CFH: variants seen among roughly 807,000 people sequenced by gnomAD.
CFH encodes H factor 1 (complement).
A neutral mutation model predicts 147.3 loss-of-function variants in CFH; 53 were observed. The observed-to-expected ratio is 0.36, with a 90% CI of 0.29 to 0.45. The LOEUF (loss-of-function observed/expected upper bound fraction) is 0.45, where lower values mean the gene tolerates loss of function less well. CFH is among the 20% of genes least tolerant of loss of function. The pLI is 1.00. For missense variants in CFH, 1,380 were observed against 1,498.0 expected (o/e 0.92, Z 1.30); for synonymous variants, 536 against 489.4 (o/e 1.10, Z -1.26).
At position 196,720,775 on chromosome 1, in the gene CFH, G is replaced by A. The variant is rs375975619; in HGVS notation, c.1697-4346G>A. On this transcript the variant is annotated intron_variant, in intron 11 of 21. Transcript: ENST00000367429. Reference sequence around the variant, plus strand: ...AGTGAGGCTATAAACATATGAGTCTGGGTATCATTTTGATATGATAATTGA... The same window carrying A: ...AGTGAGGCTATAAACATATGAGTCTAGGTATCATTTTGATATGATAATTGA... 3.3e-5 allele frequency among the ~76,000 whole-genome samples: 5 copies of A among 151,872 alleles called. No homozygotes were observed. The East Asian group carries it at 5.8e-4, about 18-fold the overall frequency.
intron 15 of CFH, among the ~76,000 whole-genome samples, chr1:196,732,924 A>G (rs1480153223): frequency 6.6e-6 from 1 of 152,100 alleles, no homozygotes; most frequent in African/African-American, 2.4e-5. Context: ...TTCAGGCTGC[A>G]TGCTCTGATC....
intron 1 of CFH, 33 bp from the exon 2 acceptor site, chr1:196,672,945 T>G: frequency 6.4e-7 from 1 of 1,571,664 alleles, no homozygotes; most frequent in Non-Finnish European, 8.7e-7. Context: ...AAATAGACAC[T>G]TTATGCACTT....
rs749403509 is a variant in CFH, at chr1:196,747,162, G to A, written c.3545G>A (p.Arg1182Lys). ...ATGGAAAATTATAACATAGCATTAA[G>A]GTGGACAGCCAAACAGAAGCTTTAT... ...EIMENYNIAL[R>K]WTAKQKLYSR... Residue 1182 changes from arginine to lysine, a missense_variant, in exon 22 of 22, where the codon AGG (arginine) becomes AAG (lysine). Physicochemically the swap from Arg to Lys is conservative, Grantham distance 26. Coordinates refer to ENST00000367429, the MANE Select transcript of CFH (RefSeq NM_000186.4). 3 of 1,613,790 alleles carry A rather than the reference G, an allele frequency of 1.9e-6. No individual in the cohort carries two copies. The highest frequency in any genetic ancestry group is 2.5e-6 in the Non-Finnish European group (3 of 1,179,832).
At position 196,743,478 on chromosome 1, in the gene CFH, G is replaced by C. The variant is rs757426928; in HGVS notation, c.3160G>C (p.Val1054Leu). 6.2e-7 allele frequency: 1 copy of C among 1,613,942 alleles called. No individual in the cohort carries two copies. The highest frequency in any genetic ancestry group is 8.5e-7 in the Non-Finnish European group (1 of 1,179,916). The change falls in exon 20 of 22, where the codon GTA (valine) becomes CTA (leucine). Residue 1054 changes from valine (V) to leucine (L), a missense_variant. This residue lies in a region of CFH where 830 missense variants were observed against 821.4 expected (regional missense o/e 1.01). Coordinates refer to ENST00000367429, the MANE Select transcript of CFH (RefSeq NM_000186.4). ...RDTSCVNPPT[V>L]QNAYIVSRQM... Reference sequence around the variant, plus strand: ...CACCTCCTGTGTGAATCCGCCCACAGTACAAAATGCTTATATAGTGTCGAG... The same window carrying C: ...CACCTCCTGTGTGAATCCGCCCACACTACAAAATGCTTATATAGTGTCGAG...
intron 21 of CFH, 93 bp from the exon 22 acceptor site, chr1:196,747,018 G>T: frequency 1.3e-6 from 2 of 1,570,590 alleles, no homozygotes; most frequent in Non-Finnish European, 1.7e-6. Context: ...AATAATTCCT[G>T]AACCATCATA....
chr1:196,726,932 A>G lies in CFH; in HGVS notation c.2228A>G (p.Gln743Arg), dbSNP rs1263249962. The G allele has an allele frequency of 6.2e-7, 1 of 1,612,766 alleles. No individual in the cohort carries two copies. The highest frequency in any genetic ancestry group is 8.5e-7 in the Non-Finnish European group (1 of 1,178,862). The change falls in exon 14 of 22, where the codon CAG becomes CGG. Residue 743 changes from glutamine (Q) to arginine (R), a missense_variant. By Grantham distance (43) the Gln-to-Arg change is conservative (BLOSUM62 1). Around this residue, in one of 4 missense-constraint regions of CFH, gnomAD observed 830 missense variants for 821.4 expected, o/e 1.01. Coordinates refer to ENST00000367429, the MANE Select transcript of CFH (RefSeq NM_000186.4). ...CATGGAGTATGGACCCAACTTCCCCAGTGTGTGGGTGAGAATACCCTTCTT... is the reference window on the plus strand; with the variant it reads ...CATGGAGTATGGACCCAACTTCCCCGGTGTGTGGGTGAGAATACCCTTCTT... ...CIHGVWTQLP[Q>R]CVAIDKLKKC...
intron 1 of CFH, among the ~76,000 whole-genome samples, chr1:196,660,918 T>C (rs1040436244): frequency 1.3e-5 from 2 of 152,224 alleles, no homozygotes; most frequent in African/African-American, 4.8e-5. Flanking sequence ...CATTTACTTC[T>C]CACTAGGAAG....
At chr1:196,682,279 C>T (rs970992749) in intron 6 of CFH, among the ~76,000 whole-genome samples, 2 of 151,728 alleles carry the variant, frequency 1.3e-5, no homozygotes, top group African/African-American at 4.8e-5. Context: ...AATTAGTATT[C>T]TAACTTCAAA....
At chr1:196,700,086 C>A (rs977764898) in intron 9 of CFH, among the ~76,000 whole-genome samples, 1 of 152,144 alleles carries the variant, frequency 6.6e-6, no homozygotes, top group Non-Finnish European at 1.5e-5. Context: ...AAAGGCTTGA[C>A]AAGAAACTCA....
intron 7 of CFH, among the ~76,000 whole-genome samples, 200 bp downstream of exon 7, chr1:196,685,437 A>C (rs1417661792): frequency 6.6e-6 from 1 of 152,120 alleles, no homozygotes; most frequent in Non-Finnish European, 1.5e-5. Flanking sequence ...TGTGTTTATG[A>C]ATGTATGTTT....
chr1:196,728,458 A>G lies in CFH; in HGVS notation c.2349A>G (p.Gly783=), dbSNP rs1157844640. ...CTAACATAAGGTACAGATGTAGAGG[A>G]AAAGAAGGATGGATACACACAGTCT... The part of the protein sequence containing the change: ...HNSNIRYRCR[G]KEGWIHTVCI... The change falls in exon 15 of 22, where the codon GGA becomes GGG. Residue 783 remains glycine, a synonymous_variant. Transcript: ENST00000367429. 8.7e-6 allele frequency: 14 copies of G among 1,612,904 alleles called. No homozygotes were observed. Among genetic ancestry groups the G allele is most frequent in the Non-Finnish European group, 1.0e-5 (12 of 1,179,170 alleles).
intron 4 of CFH, among the ~76,000 whole-genome samples, chr1:196,676,472 C>T (rs1267440917): frequency 6.6e-6 from 1 of 151,988 alleles, no homozygotes; most frequent in Non-Finnish European, 1.5e-5. Context: ...GTGATTGAGA[C>T]CTCCCACTAA....
intron 7 of CFH, among the ~76,000 whole-genome samples, chr1:196,687,544 T>C (rs1208092645): frequency 6.6e-6 from 1 of 152,078 alleles, no homozygotes; most frequent in Admixed American, 6.6e-5. Context: ...TGGATACTCA[T>C]ACTTGCTTTG....
rs1445993282 is a variant in CFH at position 196,714,679 on chromosome 1, A to G, written c.1519+762A>G. Among the ~76,000 whole-genome samples, 3 of 52,194 alleles carry G rather than the reference A, an allele frequency of 5.7e-5. No individual in the cohort carries two copies. In the East Asian group the frequency reaches 3.1e-3, roughly 53 times the overall value. The allele number at this position is 52,194 out of a possible 152,430, so 34.2% of individuals were successfully genotyped here. ...TATATATATATATATAGAGAGAGAG[A>G]GAGAGAGAGAGAGAGAGAGAGAGAG... On this transcript the variant is annotated intron_variant, in intron 10 of 21. Transcript: ENST00000367429.
At chr1:196,710,130 T>C (rs1051539940) in intron 9 of CFH, among the ~76,000 whole-genome samples, 3 of 152,062 alleles carry the variant, frequency 2.0e-5, no homozygotes, top group African/African-American at 4.8e-5. Context: ...TTCCACATCC[T>C]GGTGACTTCA....
At chr1:196,704,081 GT>G (rs1200893362) in intron 9 of CFH, among the ~76,000 whole-genome samples, 4 of 147,226 alleles carry the variant, frequency 2.7e-5, no homozygotes, top group African/African-American at 1.0e-4. Flanking sequence ...TTGTTGTTTT[GT>G]TTTGTTTTGT....
At chr1:196,713,143 A>T (rs1366925065) in intron 9 of CFH, among the ~76,000 whole-genome samples, 2 of 152,106 alleles carry the variant, frequency 1.3e-5, no homozygotes, top group African/African-American at 4.8e-5. Context: ...CCACTCTTTC[A>T]AGTTAAGTTC....
intron 9 of CFH, among the ~76,000 whole-genome samples, chr1:196,706,960 G>A (rs1374466269): frequency 6.6e-6 from 1 of 152,130 alleles, no homozygotes; most frequent in Non-Finnish European, 1.5e-5. Flanking sequence ...GCAAGACCAA[G>A]AGAATGTCTG....
chr1:196,682,545 C>G (rs539532969), intron 6 of CFH, among the ~76,000 whole-genome samples: 1 of 151,194 alleles, frequency 6.6e-6, no homozygotes, highest in South Asian at 2.1e-4. Flanking sequence ...TTTTTTGCAT[C>G]TCATAGCTTT....
Sources: allele counts gnomAD v4.1 joint callset (sites outside exome capture counted in the v4.1 genomes callset), GRCh38; gene constraint gnomAD v4.1.1; regional missense constraint gnomAD v4.1.1; transcripts MANE v1.5; gene names NCBI Gene and HGNC (gene_info 2026-07-23, HGNC 2026-07-21).